Variants in FARS2 observed in about 807,000 individuals in gnomAD.
FARS2 encodes the protein phenylalanyl-tRNA synthetase 2, mitochondrial.
FARS2 carries 40 observed loss-of-function variants against 46.4 expected under a neutral mutation model. The ratio of observed to expected loss-of-function variants is 0.86; its 90% confidence interval spans 0.67 to 1.12. The LOEUF (loss-of-function observed/expected upper bound fraction) is 1.12. Among genes scored for constraint, FARS2 ranks in the 50% most tolerant of loss-of-function variants. FARS2 has a pLI of 0.00. For synonymous variants in FARS2, 234 were observed against 214.9 expected, an observed-to-expected ratio of 1.09 and a Z score of -0.78; for missense variants, 513 against 567.9, an observed-to-expected ratio of 0.90 and a Z score of 0.98.
At chr6:5,400,901 A>G (rs761462377) in intron 2 of FARS2, among the ~76,000 whole-genome samples, 7 of 151,906 alleles carry the variant, frequency 4.6e-5, no homozygotes, top group Non-Finnish European at 8.8e-5. Flanking sequence ...GTGATTTGAA[A>G]CTTTTAGCAT....
intron 6 of FARS2, among the ~76,000 whole-genome samples, chr6:5,675,238 A>G (rs796662222): frequency 2.0e-5 from 3 of 146,858 alleles, no homozygotes; most frequent in Non-Finnish European, 3.0e-5. Context: ...ACACACACAC[A>G]CGGTGCTATG....
intron 4 of FARS2, among the ~76,000 whole-genome samples, chr6:5,539,793 C>T (rs1292989187): frequency 6.6e-6 from 1 of 152,144 alleles, no homozygotes; most frequent in African/African-American, 2.4e-5. Flanking sequence ...ATGCGAAAAA[C>T]TGAATTCTCA....
chr6:5,382,152 G>A (rs1759835783), intron 2 of FARS2, among the ~76,000 whole-genome samples: 1 of 152,218 alleles, frequency 6.6e-6, no homozygotes, highest in Admixed American at 6.5e-5. Context: ...CTTAAATCAA[G>A]CAGAGAAAGA....
intron 1 of FARS2, among the ~76,000 whole-genome samples, chr6:5,314,198 T>C (rs1286517246): frequency 6.6e-6 from 1 of 152,018 alleles, no homozygotes; most frequent in Non-Finnish European, 1.5e-5. Context: ...GTGAAACCAG[T>C]TGAGGGTCCC....
intron 1 of FARS2, among the ~76,000 whole-genome samples, chr6:5,358,316 G>A (rs1448343494): frequency 6.6e-6 from 1 of 151,896 alleles, no homozygotes; most frequent in African/African-American, 2.4e-5. Flanking sequence ...TATGTACATA[G>A]TAAGATTATT....
At chr6:5,422,213 A>G (rs1762589190) in intron 3 of FARS2, among the ~76,000 whole-genome samples, 1 of 152,160 alleles carries the variant, frequency 6.6e-6, no homozygotes, top group African/African-American at 2.4e-5. Context: ...CTATCACGAG[A>G]ACAGCATGGG....
intron 5 of FARS2, among the ~76,000 whole-genome samples, chr6:5,606,075 G>A (rs1322191722): frequency 3.3e-5 from 5 of 151,978 alleles, no homozygotes; most frequent in Non-Finnish European, 7.4e-5. Flanking sequence ...CAGAAGCTCC[G>A]CAGTATGGAT....
intron 2 of FARS2, among the ~76,000 whole-genome samples, chr6:5,379,426 C>T (rs1335835269): frequency 6.6e-6 from 1 of 152,158 alleles, no homozygotes; most frequent in African/African-American, 2.4e-5. Flanking sequence ...CAACACAGAA[C>T]TTGGGTAATC....
intron 6 of FARS2, among the ~76,000 whole-genome samples, chr6:5,687,797 G>T (rs1468503763): frequency 1.3e-5 from 2 of 152,128 alleles, no homozygotes; most frequent in Non-Finnish European, 2.9e-5. Flanking sequence ...GGGCAGTATG[G>T]CCATTTTCAT....
intron 4 of FARS2, among the ~76,000 whole-genome samples, chr6:5,502,708 G>A (rs904197877): frequency 2.0e-5 from 3 of 152,202 alleles, no homozygotes; most frequent in African/African-American, 7.2e-5. Flanking sequence ...GGTGAGACAA[G>A]TAACTCTCAA....
chr6:5,284,377 G>A (rs1448488814), intron 1 of FARS2, among the ~76,000 whole-genome samples: 1 of 152,156 alleles, frequency 6.6e-6, no homozygotes, highest in Non-Finnish European at 1.5e-5. Flanking sequence ...TTGGTCCAAT[G>A]TCTGGGGAGC....
At chr6:5,423,751 G>T (rs75625525) in intron 3 of FARS2, among the ~76,000 whole-genome samples, 4 of 152,104 alleles carry the variant, frequency 2.6e-5, no homozygotes, top group Admixed American at 2.0e-4. Flanking sequence ...ACTCTGCAGC[G>T]CTGGACTCCA....
chr6:5,770,175 T>C (rs998701966), intron 6 of FARS2, among the ~76,000 whole-genome samples: 1 of 152,134 alleles, frequency 6.6e-6, no homozygotes, highest in Admixed American at 6.5e-5. Flanking sequence ...TTCCAGTGAA[T>C]ATGTGGGAGT....
At chr6:5,358,917 T>G (rs528454461) in intron 1 of FARS2, among the ~76,000 whole-genome samples, 3 of 152,220 alleles carry the variant, frequency 2.0e-5, no homozygotes, top group South Asian at 4.1e-4. Context: ...TATAGAAGTT[T>G]CCAGTGTGAC....
intron 1 of FARS2, among the ~76,000 whole-genome samples, chr6:5,277,158 C>G (rs1403249500): frequency 1.3e-5 from 2 of 151,904 alleles, no homozygotes; most frequent in Admixed American, 6.5e-5. Context: ...AGCGTCATGT[C>G]ACACAAAGCT....
intron 1 of FARS2, among the ~76,000 whole-genome samples, chr6:5,319,054 T>C (rs1769776766): frequency 6.6e-6 from 1 of 152,010 alleles, no homozygotes; most frequent in Non-Finnish European, 1.5e-5. Flanking sequence ...TCAGCTATGT[T>C]AGGAGGGGTT....
intron 4 of FARS2, among the ~76,000 whole-genome samples, chr6:5,432,874 C>T (rs1763309236): frequency 6.6e-6 from 1 of 152,116 alleles, no homozygotes; most frequent in Non-Finnish European, 1.5e-5. Flanking sequence ...GCATGAAGTG[C>T]AGGAGCTTGT....
chr6:5,297,181 G>T (rs1290416316), intron 1 of FARS2, among the ~76,000 whole-genome samples: 1 of 152,152 alleles, frequency 6.6e-6, no homozygotes, highest in Non-Finnish European at 1.5e-5. Flanking sequence ...ATCTGAATTT[G>T]ACTCCAGAAG....
chr6:5,540,822 A>G (rs1770583075), intron 4 of FARS2, among the ~76,000 whole-genome samples: 1 of 152,214 alleles, frequency 6.6e-6, no homozygotes, highest in East Asian at 1.9e-4. Context: ...CACAGTCAGA[A>G]TACTTCAATG....
Sources: gnomAD v4.1 joint callset for allele counts (sites outside exome capture counted in the v4.1 genomes callset) on GRCh38, gnomAD v4.1.1 for gene constraint, MANE v1.5 for transcripts, NCBI Gene and HGNC (gene_info 2026-07-23, HGNC 2026-07-21) for gene names.